The following PDE3B variants were observed in gnomAD, a reference collection of about 807,000 sequenced individuals.
PDE3B encodes the protein phosphodiesterase 3B, also known as cGMP-inhibited 3',5'-cyclic phosphodiesterase 3B.
In PDE3B, 66 loss-of-function variants were observed where a neutral mutation model predicts 116.8. The observed-to-expected ratio is 0.56, with a 90% CI of 0.46 to 0.69. The LOEUF (loss-of-function observed/expected upper bound fraction) is 0.69, where lower values mean the gene tolerates loss of function less well. Among genes scored for constraint, PDE3B ranks in the 30% least tolerant of loss-of-function variants. The pLI, the probability that PDE3B is intolerant of heterozygous loss-of-function variation, is 0.00. For missense variants in PDE3B, 1,384 were observed against 1,368.1 expected (o/e 1.01, Z -0.18); for synonymous variants, 595 against 533.6 (o/e 1.12, Z -1.59).
At chr11:14,855,391 A>G (rs1847830622) in intron 12 of PDE3B, among the ~76,000 whole-genome samples, 1 of 152,216 alleles carries the variant, frequency 6.6e-6, no homozygotes, top group African/African-American at 2.4e-5. Flanking sequence ...CAATACATCT[A>G]TAAAAGAACA....
At chr11:14,805,859 G>A (rs1858902991) in intron 5 of PDE3B, among the ~76,000 whole-genome samples, 1 of 152,166 alleles carries the variant, frequency 6.6e-6, no homozygotes, top group Non-Finnish European at 1.5e-5. Context: ...CTCAAAAGAA[G>A]ACATTTATGC....
At chr11:14,668,169 G>A (rs1854242333) in intron 1 of PDE3B, among the ~76,000 whole-genome samples, 1 of 152,076 alleles carries the variant, frequency 6.6e-6, no homozygotes, top group African/African-American at 2.4e-5. Context: ...CTTTTTCTGA[G>A]ACAGTATCGA....
chr11:14,866,778 C>T (rs557979239), intron 14 of PDE3B, among the ~76,000 whole-genome samples: 2 of 152,242 alleles, frequency 1.3e-5, no homozygotes, highest in Non-Finnish European at 2.9e-5. Context: ...TCAGTACTTG[C>T]TAAACACTTT....
intron 4 of PDE3B, among the ~76,000 whole-genome samples, chr11:14,801,349 A>G (rs537694812): frequency 2.8e-4 from 43 of 152,168 alleles, no homozygotes; most frequent in Middle Eastern, 3.4e-3. Flanking sequence ...TGGACATGCT[A>G]TTCCTTTCTG....
intron 1 of PDE3B, among the ~76,000 whole-genome samples, chr11:14,702,418 G>A (rs553493634): frequency 1.3e-5 from 2 of 151,756 alleles, no homozygotes; most frequent in Non-Finnish European, 2.9e-5. Context: ...TGCAAAAGCA[G>A]AATCTAAAAT....
intron 1 of PDE3B, among the ~76,000 whole-genome samples, chr11:14,650,505 A>G (rs539568289): frequency 6.6e-6 from 1 of 152,310 alleles, no homozygotes; most frequent in South Asian, 2.1e-4. Context: ...ATGTGGCAAA[A>G]TGGACTTTGG....
Position 14,644,476 on chromosome 11 carries a change from G to A in PDE3B, c.401G>A (p.Cys134Tyr), listed in dbSNP as rs774786949. The A allele has an allele frequency of 1.9e-6, 3 of 1,612,952 alleles. No individual in the cohort carries two copies. Among genetic ancestry groups the A allele is most frequent in the Non-Finnish European group, 2.5e-6 (3 of 1,179,500 alleles). The change falls in exon 1 of 16, where the codon TGC (cysteine) becomes TAC (tyrosine). Residue 134 changes from cysteine to tyrosine, a missense_variant. By Grantham distance (194) the Cys-to-Tyr change is radical (BLOSUM62 -2). Around this residue, in one of 2 missense-constraint regions of PDE3B, gnomAD observed 956 missense variants for 806.8 expected, o/e 1.18. Transcript: ENST00000282096. ...SIACAFFFLT[C>Y]FLTRTKRGPG... ...GCCTGTGCCTTCTTCTTCCTCACCT[G>A]CTTCCTCACCCGGACCAAGCGGGGA... is the stretch of plus-strand genomic sequence containing the variant.
downstream of PDE3B, among the ~76,000 whole-genome samples, chr11:14,876,794 G>GACAC (rs1176271967): frequency 6.6e-6 from 1 of 152,118 alleles, no homozygotes; most frequent in Non-Finnish European, 1.5e-5. Context: ...GAGGTGGAAA[G>GACAC]ACACAGGATC....
intron 1 of PDE3B, among the ~76,000 whole-genome samples, chr11:14,668,026 C>G (rs1228510399): frequency 6.7e-6 from 1 of 148,420 alleles, no homozygotes; most frequent in South Asian, 2.1e-4. Flanking sequence ...TTAATTAATG[C>G]AAGAGTAAAA....
At chr11:14,898,144 T>C in the PDE3B span, among the ~76,000 whole-genome samples, 1 of 151,802 alleles carries the variant, frequency 6.6e-6, no homozygotes, top group African/African-American at 2.4e-5. Flanking sequence ...TCAAGCCAGT[T>C]TGTAGGCTCC....
intron 1 of PDE3B, among the ~76,000 whole-genome samples, chr11:14,685,284 T>G (rs559136285): frequency 6.6e-6 from 1 of 152,180 alleles, no homozygotes; most frequent in Admixed American, 6.5e-5. Context: ...GTCCCTGACT[T>G]CCCGCAACAT....
At chr11:14,816,733 T>G (rs1399124810) in intron 5 of PDE3B, among the ~76,000 whole-genome samples, 1 of 152,210 alleles carries the variant, frequency 6.6e-6, no homozygotes, top group Non-Finnish European at 1.5e-5. Flanking sequence ...GGAAATACTT[T>G]CATGTAATTT....
At chr11:14,785,496 C>G (rs1858160494) in intron 2 of PDE3B, among the ~76,000 whole-genome samples, 1 of 151,992 alleles carries the variant, frequency 6.6e-6, no homozygotes, top group Non-Finnish European at 1.5e-5. Context: ...GTTGTGAACT[C>G]ATTAATTTGA....
At chr11:14,838,569 C>G (rs1860132497) in intron 11 of PDE3B, among the ~76,000 whole-genome samples, 1 of 152,150 alleles carries the variant, frequency 6.6e-6, no homozygotes, top group African/African-American at 2.4e-5. Context: ...CTGTAATTAC[C>G]TCACTTGAGA....
At chr11:14,712,689 G>C (rs1346285664) in intron 1 of PDE3B, among the ~76,000 whole-genome samples, 2 of 152,058 alleles carry the variant, frequency 1.3e-5, no homozygotes, top group Non-Finnish European at 2.9e-5. Context: ...TGGGCAGGCT[G>C]GTCTTGGACT....
the PDE3B span, chr11:14,890,369 G>C: frequency 1.9e-6 from 1 of 513,418 alleles, no homozygotes; most frequent in Middle Eastern, 9.9e-4. Flanking sequence ...TGAAAATCAT[G>C]GGAATAAACT....
intron 1 of PDE3B, among the ~76,000 whole-genome samples, chr11:14,684,315 C>T (rs747685821): frequency 1.3e-5 from 2 of 152,108 alleles, no homozygotes; most frequent in Non-Finnish European, 2.9e-5. Context: ...CATCACGTAT[C>T]GGTAGGACCA....
intron 1 of PDE3B, among the ~76,000 whole-genome samples, chr11:14,663,931 A>G (rs1351924359): frequency 6.6e-6 from 1 of 152,220 alleles, no homozygotes; most frequent in Admixed American, 6.5e-5. Context: ...AGACATCTAC[A>G]GAACTCTCCA....
At chr11:14,824,689 A>G (rs994520922) in intron 7 of PDE3B, among the ~76,000 whole-genome samples, 1 of 152,236 alleles carries the variant, frequency 6.6e-6, no homozygotes, top group African/African-American at 2.4e-5. Flanking sequence ...AGGAGAAAGC[A>G]AACAACCTGG....
Sources: allele counts gnomAD v4.1 joint callset (sites outside exome capture counted in the v4.1 genomes callset), GRCh38; gene constraint gnomAD v4.1.1; regional missense constraint gnomAD v4.1.1; transcripts MANE v1.5; gene names NCBI Gene and HGNC (gene_info 2026-07-23, HGNC 2026-07-21).